Variants in SMYD3 observed in about 807,000 individuals in gnomAD.
SMYD3 encodes histone-lysine N-methyltransferase SMYD3.
A neutral mutation model predicts 57.7 loss-of-function variants in SMYD3; 36 were observed. The ratio of observed to expected loss-of-function variants is 0.62; its 90% CI spans 0.48 to 0.82. SMYD3 has a LOEUF of 0.82. Among genes scored for constraint, SMYD3 ranks in the 40% least tolerant of loss-of-function variants. The pLI is 0.00. For synonymous variants in SMYD3, 211 were observed against 195.0 expected, an observed-to-expected ratio of 1.08 and a Z score of -0.68; for missense variants, 515 against 538.8, an observed-to-expected ratio of 0.96 and a Z score of 0.44.
In SMYD3 at chr1:245,764,153, G is replaced by C; in HGVS notation, c.1077-4C>G. ...ATGGCTTCCTGGGAAAAAAATCCTG[G>C]AAGAAACCAAACGGCAAACAGTGTC... is the stretch of plus-strand genomic sequence containing the variant. On this transcript the variant is annotated splice_region_variant and splice_polypyrimidine_tract_variant and intron_variant, in intron 10 of 11. Transcript: ENST00000490107. 1 of 1,610,096 alleles carries C rather than the reference G, an allele frequency of 6.2e-7. No individual in the cohort carries two copies. Among genetic ancestry groups the C allele is most frequent in the African/African-American group, 1.3e-5 (1 of 74,898 alleles).
At chr1:246,223,956 T>A (rs1351946098) in intron 5 of SMYD3, among the ~76,000 whole-genome samples, 1 of 152,152 alleles carries the variant, frequency 6.6e-6, no homozygotes, top group Non-Finnish European at 1.5e-5. Flanking sequence ...TAAAAAGAAC[T>A]GAAGGATTCT....
chr1:246,291,280 G>T (rs1235388280), intron 5 of SMYD3, among the ~76,000 whole-genome samples: 1 of 152,160 alleles, frequency 6.6e-6, no homozygotes, highest in African/African-American at 2.4e-5. Context: ...TGTCTTATGA[G>T]TGCATTTTGC....
At chr1:245,923,676 C>G (rs2056154092) in intron 7 of SMYD3, among the ~76,000 whole-genome samples, 1 of 152,172 alleles carries the variant, frequency 6.6e-6, no homozygotes, top group African/African-American at 2.4e-5. Flanking sequence ...TGGAAGCATT[C>G]CTTAACCACT....
At chr1:246,245,947 A>C (rs1048169958) in intron 5 of SMYD3, among the ~76,000 whole-genome samples, 2 of 152,232 alleles carry the variant, frequency 1.3e-5, no homozygotes, top group Non-Finnish European at 2.9e-5. Context: ...TTACCAACTT[A>C]GCCATGTTTT....
intron 5 of SMYD3, among the ~76,000 whole-genome samples, chr1:246,092,449 A>G (rs1268967459): frequency 6.6e-6 from 1 of 152,196 alleles, no homozygotes; most frequent in Non-Finnish European, 1.5e-5. Flanking sequence ...GAATCCAAAA[A>G]CAAATCTGCA....
chr1:246,191,088 C>T (rs924052073), intron 5 of SMYD3, among the ~76,000 whole-genome samples: 1 of 152,224 alleles, frequency 6.6e-6, no homozygotes, highest in Non-Finnish European at 1.5e-5. Context: ...GAAAACGCAC[C>T]TCACGGTGCA....
intron 5 of SMYD3, among the ~76,000 whole-genome samples, chr1:246,037,538 G>A (rs1002378608): frequency 3.9e-5 from 6 of 152,162 alleles, no homozygotes; most frequent in Non-Finnish European, 5.9e-5. Context: ...TCTCACAGTG[G>A]CTACATCCTC....
intron 11 of SMYD3, among the ~76,000 whole-genome samples, chr1:245,756,121 C>T (rs940649508): frequency 6.8e-6 from 1 of 148,140 alleles, no homozygotes; most frequent in Admixed American, 6.8e-5. Context: ...TATATACACA[C>T]ACATATATAT....
At chr1:245,946,704 C>T (rs1424497953) in intron 5 of SMYD3, among the ~76,000 whole-genome samples, 2 of 152,162 alleles carry the variant, frequency 1.3e-5, no homozygotes, top group African/African-American at 2.4e-5. Context: ...CAGTGTTGTA[C>T]ACTAGACCCA....
At chr1:246,287,890 G>A (rs1211384613) in intron 5 of SMYD3, among the ~76,000 whole-genome samples, 2 of 152,080 alleles carry the variant, frequency 1.3e-5, no homozygotes, top group African/African-American at 2.4e-5. Flanking sequence ...AATGAGGGCT[G>A]AAAACGGAAT....
At chr1:246,037,060 G>C (rs1362251928) in intron 5 of SMYD3, among the ~76,000 whole-genome samples, 2 of 151,936 alleles carry the variant, frequency 1.3e-5, no homozygotes, top group African/African-American at 4.8e-5. Flanking sequence ...AGACATTTAG[G>C]TTATCTCCAT....
intron 5 of SMYD3, among the ~76,000 whole-genome samples, chr1:246,082,524 T>C (rs2060652952): frequency 6.6e-6 from 1 of 151,854 alleles, no homozygotes; most frequent in South Asian, 2.1e-4. Context: ...CAGCACACAT[T>C]CCCTAGCCCC....
chr1:245,758,997 T>C (rs2045723651), intron 11 of SMYD3, among the ~76,000 whole-genome samples: 1 of 152,202 alleles, frequency 6.6e-6, no homozygotes, highest in Non-Finnish European at 1.5e-5. Context: ...TGACACCCTG[T>C]TACTGCCAGG....
rs34679948 is a variant in SMYD3, at chr1:245,773,090, TAA to T, written c.1077-8943_1077-8942del. ...CTGGGTTGGGGGTGGGGAGAATCAC[TAA>T]AAAAAAAAAAAAAAAAAAGCATGAT... On this transcript the variant is annotated intron_variant, in intron 10 of 11. Transcript: ENST00000490107. Among the ~76,000 whole-genome samples, 180 of 86,224 alleles carry T rather than the reference TAA, an allele frequency of 2.1e-3. 2 individuals carry two copies. Among genetic ancestry groups the T allele is most frequent in the African/African-American group, 5.1e-3 (132 of 25,710 alleles). The allele number at this position is 86,224 out of a possible 152,430, so 56.6% of individuals were successfully genotyped here. A position where few individuals can be genotyped will look rare whatever the true frequency, so the allele number is the denominator to read the frequency against.
At chr1:245,903,726 T>C (rs944963674) in intron 8 of SMYD3, among the ~76,000 whole-genome samples, 6 of 152,146 alleles carry the variant, frequency 3.9e-5, no homozygotes, top group Non-Finnish European at 8.8e-5. Context: ...CATCTGGAAT[T>C]GTAACTGGGG....
chr1:246,004,598 A>G (rs937788468), intron 5 of SMYD3, among the ~76,000 whole-genome samples: 1 of 152,242 alleles, frequency 6.6e-6, no homozygotes, highest in African/African-American at 2.4e-5. Flanking sequence ...CCCTCACCAA[A>G]GGAACTTCAA....
At chr1:246,456,439 C>T (rs1281729180) in intron 1 of SMYD3, among the ~76,000 whole-genome samples, 1 of 152,194 alleles carries the variant, frequency 6.6e-6, no homozygotes, top group Non-Finnish European at 1.5e-5. Flanking sequence ...CCAGCCATCT[C>T]CTGGACTGGT....
chr1:246,331,148 A>C (rs1408823585), intron 3 of SMYD3, among the ~76,000 whole-genome samples: 2 of 152,188 alleles, frequency 1.3e-5, no homozygotes, highest in Non-Finnish European at 2.9e-5. Context: ...AAAGAAAAAA[A>C]GGAGAAGGAC....
chr1:246,201,988 G>A (rs866407446), intron 5 of SMYD3, among the ~76,000 whole-genome samples: 3 of 151,120 alleles, frequency 2.0e-5, no homozygotes, highest in Middle Eastern at 3.2e-3. Context: ...ACTCCAGCCT[G>A]GGCAACAGAG....
Sources: allele counts gnomAD v4.1 joint callset (sites outside exome capture counted in the v4.1 genomes callset), GRCh38; gene constraint gnomAD v4.1.1; transcripts MANE v1.5; gene names NCBI Gene and HGNC (gene_info 2026-07-23, HGNC 2026-07-21).